The following KCNH8 variants were observed in gnomAD, a reference collection of about 807,000 sequenced individuals.
KCNH8 encodes potassium voltage-gated channel subfamily H member 8.
Under a neutral mutation model 103.6 loss-of-function variants are expected in KCNH8, and 70 were observed. The ratio of observed to expected loss-of-function variants is 0.68; its 90% CI spans 0.56 to 0.82. KCNH8 has a LOEUF of 0.82. Ranked by LOEUF, KCNH8 falls within the 40% of genes least tolerant of loss-of-function variation. KCNH8 has a pLI of 0.00. For synonymous variants in KCNH8, 498 were observed against 489.4 expected (o/e 1.02, Z -0.23); for missense variants, 1,217 against 1,329.9 (o/e 0.92, Z 1.32).
chr3:19,308,688 C>T (rs1559469999), intron 3 of KCNH8, among the ~76,000 whole-genome samples: 4 of 68,294 alleles, frequency 5.9e-5, no homozygotes, highest in African/African-American at 3.1e-4. Flanking sequence ...CTCTCTCTCT[C>T]TCTCTCTCTC....
chr3:19,374,869 T>C (rs2066166366), intron 5 of KCNH8, among the ~76,000 whole-genome samples: 1 of 152,164 alleles, frequency 6.6e-6, no homozygotes, highest in African/African-American at 2.4e-5. Flanking sequence ...TTATGAAGCT[T>C]AGTTTGGCTG....
rs189986025 is a variant in KCNH8, at chr3:19,416,507, C to T, written c.1177+21196C>T. Among the ~76,000 whole-genome samples, 353 of 152,152 alleles carry T rather than the reference C, an allele frequency of 2.3e-3. 1 individual carries two copies. The highest frequency in any genetic ancestry group is 4.6e-3 in the Non-Finnish European group (314 of 67,972). On this transcript the variant is annotated intron_variant, in intron 7 of 15. Transcript: ENST00000328405. ...ATTCCCCATTTTTGTTTCATTAGTT[C>T]AAATTCATTGTGTTCTAAGTTTCTG...
intron 12 of KCNH8, among the ~76,000 whole-genome samples, chr3:19,511,116 G>A (rs2068775762): frequency 6.6e-6 from 1 of 151,960 alleles, no homozygotes. Context: ...CCTACATTAG[G>A]TATTTCTCCT....
At chr3:19,175,085 C>T (rs968727543) in intron 1 of KCNH8, among the ~76,000 whole-genome samples, 1 of 152,012 alleles carries the variant, frequency 6.6e-6, no homozygotes, top group Non-Finnish European at 1.5e-5. Context: ...CACCAGAAAC[C>T]AGTATTTTCT....
At position 19,478,714 on chromosome 3, in the gene KCNH8, G is replaced by A. The variant is rs191361267; in HGVS notation, c.2040+21732G>A. Among the ~76,000 whole-genome samples the A allele has an allele frequency of 5.9e-5, 9 of 152,214 alleles. No individual in the cohort carries two copies. The East Asian group carries it at 9.6e-4, about 16-fold the overall frequency. On this transcript the variant is annotated intron_variant, in intron 11 of 15. Coordinates refer to ENST00000328405, the MANE Select transcript of KCNH8 (RefSeq NM_144633.3). ...CAGTTATTGCCATCACTTTTGAGAA[G>A]AGGAAATGAACGTTCCCAAAATTTG...
chr3:19,439,740 T>G (rs977471741), intron 8 of KCNH8, among the ~76,000 whole-genome samples: 1 of 152,046 alleles, frequency 6.6e-6, no homozygotes, highest in Non-Finnish European at 1.5e-5. Context: ...TTAGAAAAGA[T>G]ATAATAACAG....
At chr3:19,230,392 G>C (rs17005770) in intron 1 of KCNH8, among the ~76,000 whole-genome samples, 6,570 of 152,150 alleles carry the variant, frequency 0.043, 498 homozygotes, top group African/African-American at 0.15. Context: ...AAATTTTACA[G>C]TTGCAAACAG....
At chr3:19,268,426 C>G (rs372981367) in intron 2 of KCNH8, among the ~76,000 whole-genome samples, 7 of 152,068 alleles carry the variant, frequency 4.6e-5, no homozygotes, top group East Asian at 3.9e-4. Flanking sequence ...ATTTGAGACA[C>G]GGAGAGAAGG....
intron 1 of KCNH8, among the ~76,000 whole-genome samples, chr3:19,192,157 G>T (rs1303856772): frequency 1.3e-5 from 2 of 151,462 alleles, no homozygotes; most frequent in Non-Finnish European, 3.0e-5. Context: ...ATTATTGTTT[G>T]GGGGGAACAA....
At chr3:19,443,447 A>C (rs545826354) in intron 8 of KCNH8, among the ~76,000 whole-genome samples, 9 of 150,930 alleles carry the variant, frequency 6.0e-5, no homozygotes, top group Non-Finnish European at 1.3e-4. Flanking sequence ...TATGTATATA[A>C]ACATAAACTT....
chr3:19,375,153 G>T (rs2066172469), intron 5 of KCNH8, among the ~76,000 whole-genome samples: 1 of 151,934 alleles, frequency 6.6e-6, no homozygotes, highest in African/African-American at 2.4e-5. Context: ...ACGTTGGCCT[G>T]CCTTGCTAGA....
intron 2 of KCNH8, among the ~76,000 whole-genome samples, chr3:19,255,927 C>T (rs140649966): frequency 1.3e-5 from 2 of 152,178 alleles, no homozygotes; most frequent in East Asian, 3.9e-4. Flanking sequence ...GTTTACAGAT[C>T]CACTTTCCAC....
chr3:19,175,216 T>G (rs2063385519), intron 1 of KCNH8, among the ~76,000 whole-genome samples: 1 of 151,046 alleles, frequency 6.6e-6, no homozygotes, highest in Non-Finnish European at 1.5e-5. Flanking sequence ...ATAACTGTTT[T>G]GTAATTTTTT....
In KCNH8 at chr3:19,328,464, T is replaced by G. The variant is rs151158521; in HGVS notation, c.443-14123T>G. The stretch of plus-strand genomic sequence containing the variant: ...GTATCCCCCACTACACATTTTAAAT[T>G]TCACACACTGTAAATAGAACTAAAC... On this transcript the variant is annotated intron_variant, in intron 3 of 15. Coordinates refer to ENST00000328405, the MANE Select transcript of KCNH8 (RefSeq NM_144633.3). Among the ~76,000 whole-genome samples the G allele has an allele frequency of 2.7e-3, 418 of 152,232 alleles. 1 individual carries two copies. Among genetic ancestry groups the G allele is most frequent in the African/African-American group, 9.0e-3 (372 of 41,540 alleles).
At chr3:19,318,824 T>C (rs1452569473) in intron 3 of KCNH8, among the ~76,000 whole-genome samples, 1 of 151,866 alleles carries the variant, frequency 6.6e-6, no homozygotes, top group Non-Finnish European at 1.5e-5. Context: ...TATTACTTTA[T>C]GATTTTTTTA....
At chr3:19,248,125 G>T (rs1042205157) in intron 1 of KCNH8, among the ~76,000 whole-genome samples, 4 of 152,218 alleles carry the variant, frequency 2.6e-5, no homozygotes, top group African/African-American at 9.6e-5. Context: ...AAATTCTGAT[G>T]AATTTTTAAG....
At chr3:19,246,137 T>TG (rs1299939759) in intron 1 of KCNH8, among the ~76,000 whole-genome samples, 1 of 152,130 alleles carries the variant, frequency 6.6e-6, no homozygotes, top group African/African-American at 2.4e-5. Context: ...CTTTCACCTT[T>TG]GTTTAATGAA....
In KCNH8 at chr3:19,195,889, C is replaced by T. The variant is rs540818749; in HGVS notation, c.76+47094C>T. On this transcript the variant is annotated intron_variant, in intron 1 of 15. Coordinates refer to ENST00000328405, the MANE Select transcript of KCNH8 (RefSeq NM_144633.3). ...TGGATTTTCCTGTTCCTTGGTCCTC[C>T]AGCTAAGATCTTTCCTGTGTCCTGG... 2.0e-5 allele frequency among the ~76,000 whole-genome samples: 3 copies of T among 152,086 alleles called. No homozygotes were observed. The East Asian group carries it at 5.8e-4, about 29-fold the overall frequency.
At chr3:19,342,363 G>C (rs2065671748) in intron 3 of KCNH8, among the ~76,000 whole-genome samples, 2 of 152,016 alleles carry the variant, frequency 1.3e-5, no homozygotes, top group Non-Finnish European at 2.9e-5. Flanking sequence ...CTGTGTTCAT[G>C]TACGTTTTAC....
Sources: allele counts gnomAD v4.1 joint callset (sites outside exome capture counted in the v4.1 genomes callset), GRCh38; gene constraint gnomAD v4.1.1; transcripts MANE v1.5; gene names NCBI Gene and HGNC (gene_info 2026-07-23, HGNC 2026-07-21).